DNM1L: variants seen among roughly 807,000 people sequenced by gnomAD.
DNM1L encodes dynamin-1-like protein.
DNM1L carries 33 observed loss-of-function variants against 92.8 expected under a neutral mutation model. That is an observed-to-expected ratio of 0.36 (90% CI 0.27 to 0.48). The LOEUF is 0.48. Among genes scored for constraint, DNM1L ranks in the 20% least tolerant of loss-of-function variants. The pLI is 0.99. For synonymous variants in DNM1L, 284 were observed against 305.0 expected, an observed-to-expected ratio of 0.93 and a Z score of 0.72; for missense variants, 485 against 888.8, an observed-to-expected ratio of 0.55 and a Z score of 5.78.
At chr12:32,725,636 TG>T (rs1366968192) in intron 9 of DNM1L, 3 of 152,264 alleles carry the variant, frequency 2.0e-5, no homozygotes, top group African/African-American at 7.2e-5. Context: ...AGATGAGTCT[TG>T]CTCAGCCACC....
intron 5 of DNM1L, among the ~76,000 whole-genome samples, chr12:32,711,871 A>C: frequency 6.6e-6 from 1 of 152,170 alleles, no homozygotes; most frequent in East Asian, 1.9e-4. Context: ...CAACAGAGTG[A>C]GACCCTGTCT....
chr12:32,698,945 A>G (rs1043626450), intron 1 of DNM1L, among the ~76,000 whole-genome samples: 37 of 152,092 alleles, frequency 2.4e-4, no homozygotes, highest in African/African-American at 8.0e-4. Context: ...TCTTGAGGCC[A>G]GAAGTTAGAG....
chr12:32,688,054 A>G (rs976493687), intron 1 of DNM1L, among the ~76,000 whole-genome samples: 2 of 152,012 alleles, frequency 1.3e-5, no homozygotes, highest in African/African-American at 4.8e-5. Context: ...GGCTGCAAGT[A>G]GCTGAGATTA....
At chr12:32,702,233 CAAAAAAAAAA>C (rs1179046487) in intron 2 of DNM1L, among the ~76,000 whole-genome samples, 3 of 81,344 alleles carry the variant, frequency 3.7e-5, no homozygotes, top group African/African-American at 1.2e-4. Context: ...GACTCCGTCT[CAAAAAAAAAA>C]AAAAAAAAAA....
At chr12:32,742,991 G>C (rs1955420806) in intron 19 of DNM1L, among the ~76,000 whole-genome samples, 1 of 147,380 alleles carries the variant, frequency 6.8e-6, no homozygotes, top group East Asian at 2.0e-4. Flanking sequence ...CGCCTCCCAG[G>C]TTCACGCCAT....
intron 16 of DNM1L, 124 bp from the exon 17 acceptor site, chr12:32,739,940 A>T: frequency 1.6e-6 from 2 of 1,240,796 alleles, no homozygotes; most frequent in Non-Finnish European, 2.3e-6. Flanking sequence ...TGACCTCATT[A>T]TCTGTCTGAA....
chr12:32,712,664 A>G (rs1361082304), intron 5 of DNM1L, among the ~76,000 whole-genome samples: 2 of 150,376 alleles, frequency 1.3e-5, no homozygotes, highest in Non-Finnish European at 3.0e-5. Context: ...AAAAAAAAAA[A>G]AAAAAAAAAA....
chr12:32,717,348 T>A (rs1413576694), intron 6 of DNM1L, among the ~76,000 whole-genome samples: 2 of 64,874 alleles, frequency 3.1e-5, no homozygotes, highest in Non-Finnish European at 5.4e-5. Flanking sequence ...ATACTATATA[T>A]TATATATAGT....
chr12:32,723,787 A>G (rs1219638813), intron 9 of DNM1L, among the ~76,000 whole-genome samples: 3 of 152,164 alleles, frequency 2.0e-5, no homozygotes, highest in Non-Finnish European at 2.9e-5. Context: ...AAACAAAAAA[A>G]CAGAGTGTCT....
rs1270620589 is a variant in DNM1L, at chr12:32,679,373, C to A, written c.10C>A (p.Leu4Ile). MEA[L>I]IPVINKLQDV... ...CCGTGTTTTCAGAGTCATGGAGGCG[C>A]TAATTCCTGTCATAAACAAGCTCCA... Residue 4 changes from leucine (L) to isoleucine (I), a missense_variant, in exon 1 of 20, where the codon CTA becomes ATA. This residue lies in a region of DNM1L where 19 missense variants were observed against 16.1 expected (regional missense o/e 1.18). Transcript: ENST00000549701. 3.1e-6 allele frequency: 5 copies of A among 1,613,318 alleles called. No individual in the cohort carries two copies. The highest frequency in any genetic ancestry group is 4.2e-6 in the Non-Finnish European group (5 of 1,179,582).
intron 1 of DNM1L, among the ~76,000 whole-genome samples, chr12:32,696,104 G>A (rs1282407704): frequency 1.3e-5 from 2 of 152,044 alleles, no homozygotes; most frequent in Non-Finnish European, 2.9e-5. Context: ...TTTTGGAAGA[G>A]TACAGCACAT....
At position 32,731,531 on chromosome 12, in the gene DNM1L, C is replaced by G; in HGVS notation, c.1356+20C>G. 6.2e-7 allele frequency: 1 copy of G among 1,613,444 alleles called. No homozygotes were observed. Among genetic ancestry groups the G allele is most frequent in the Non-Finnish European group, 8.5e-7 (1 of 1,179,914 alleles). Reference sequence around the variant, plus strand: ...ACACAGGTAACGGAGAGAAATGTAACAGGTTTCACATGAACTAGAAAAGGA... The same window carrying G: ...ACACAGGTAACGGAGAGAAATGTAAGAGGTTTCACATGAACTAGAAAAGGA... On this transcript the variant is annotated intron_variant, in intron 11 of 19. Transcript: ENST00000549701. This position sits in a 1 kb window ranked among gnomAD's most constrained non-coding sequence, Gnocchi z 5.1.
At chr12:32,695,371 T>G (rs1364849209) in intron 1 of DNM1L, among the ~76,000 whole-genome samples, 3 of 152,070 alleles carry the variant, frequency 2.0e-5, no homozygotes, top group Non-Finnish European at 4.4e-5. Context: ...AACTGTGAGA[T>G]ATTAAGACAA....
intron 1 of DNM1L, among the ~76,000 whole-genome samples, chr12:32,686,132 C>A (rs1156865690): frequency 7.0e-6 from 1 of 143,868 alleles, no homozygotes. Context: ...CTCACAGCAA[C>A]CTCCACCTCC....
At chr12:32,685,564 T>C (rs1454236657) in intron 1 of DNM1L, among the ~76,000 whole-genome samples, 1 of 151,436 alleles carries the variant, frequency 6.6e-6, no homozygotes. Context: ...GGTTTCCTTA[T>C]ATTGGTCAGG....
At chr12:32,697,280 T>C (rs987283306) in intron 1 of DNM1L, among the ~76,000 whole-genome samples, 1 of 152,134 alleles carries the variant, frequency 6.6e-6, no homozygotes, top group African/African-American at 2.4e-5. Flanking sequence ...TGAAGAATAT[T>C]TTTCCCATTA....
chr12:32,688,576 T>C (rs1355355972), intron 1 of DNM1L, among the ~76,000 whole-genome samples: 1 of 152,252 alleles, frequency 6.6e-6, no homozygotes, highest in Non-Finnish European at 1.5e-5. Context: ...TCTTAGCTTC[T>C]CTCTTGCTGC....
chr12:32,737,787 A>G (rs1954997342), intron 14 of DNM1L, 78 bp from the exon 15 acceptor site: 5 of 1,111,616 alleles, frequency 4.5e-6, no homozygotes, highest in Non-Finnish European at 6.9e-6. Flanking sequence ...ACAGAAGGGA[A>G]AAATTCATTT....
At chr12:32,732,684 C>T (rs1443306157) in intron 12 of DNM1L, 2 of 430,438 alleles carry the variant, frequency 4.6e-6, no homozygotes, top group South Asian at 1.7e-5. Flanking sequence ...TGAATTTAGC[C>T]CAGAATCATT....
Sources: allele counts gnomAD v4.1 joint callset (sites outside exome capture counted in the v4.1 genomes callset), GRCh38; gene constraint gnomAD v4.1.1; regional missense constraint gnomAD v4.1.1; non-coding constraint Gnocchi (gnomAD v3.1); transcripts MANE v1.5; gene names NCBI Gene and HGNC (gene_info 2026-07-23, HGNC 2026-07-21).